The following GSK3B variants were observed in gnomAD, a reference collection of about 807,000 sequenced individuals.
The protein encoded by GSK3B is glycogen synthase kinase 3 beta.
GSK3B carries 15 observed loss-of-function variants against 56.4 expected under a neutral mutation model. The observed-to-expected ratio is 0.27, with a 90% CI of 0.18 to 0.41. The LOEUF is 0.41. GSK3B is among the 10% of genes least tolerant of loss of function. GSK3B has a pLI of 1.00. For missense variants in GSK3B, 300 were observed against 513.4 expected (o/e 0.58, Z 4.02); for synonymous variants, 181 against 188.9 (o/e 0.96, Z 0.34).
At chr3:120,072,976 G>A (rs2058338483) in intron 1 of GSK3B, among the ~76,000 whole-genome samples, 1 of 152,118 alleles carries the variant, frequency 6.6e-6, no homozygotes, top group Non-Finnish European at 1.5e-5. Flanking sequence ...CAGTAAAGTA[G>A]TTAAGAATAA....
rs61662753 is a variant in GSK3B at position 119,855,046 on chromosome 3, T to C, written c.1096+8373A>G. Among the ~76,000 whole-genome samples the C allele has an allele frequency of 7.6e-3, 1,162 of 152,342 alleles. 12 individuals carry two copies. Among genetic ancestry groups the C allele is most frequent in the African/African-American group, 0.026 (1,101 of 41,564 alleles). ...ATTTTAGATCTTTCCTTCTTTCTCT[T>C]GTGGGCATTTAGTGCTATAAATTTT... On this transcript the variant is annotated intron_variant, in intron 9 of 10. Coordinates refer to ENST00000264235, the MANE Select transcript of GSK3B (RefSeq NM_001146156.2).
At position 119,833,944 on chromosome 3, in the gene GSK3B, C is replaced by G. The variant is rs527544351; in HGVS notation, c.1196-7089G>C. 9.6e-4 allele frequency among the ~76,000 whole-genome samples: 146 copies of G among 152,124 alleles called. 2 individuals are homozygous for G. Among genetic ancestry groups the G allele is most frequent in the Non-Finnish European group, 2.2e-4 (15 of 67,978 alleles). On this transcript the variant is annotated intron_variant, in intron 10 of 10. Coordinates refer to ENST00000264235, the MANE Select transcript of GSK3B (RefSeq NM_001146156.2). ...AACTCCTGGCTTCAAGTAATCTGAC[C>G]GCCTCCACCTCCCAAAGTGCTGGGA...
chr3:119,826,617 T>C lies in GSK3B; in HGVS notation c.*171A>G, dbSNP rs748255898. 13 of 686,360 alleles carry C rather than the reference T, an allele frequency of 1.9e-5. 1 individual carries two copies. The highest frequency in any genetic ancestry group is 7.5e-5 in the South Asian group (5 of 66,444). 42.5% of individuals were successfully genotyped at this position (686,360 alleles called of 1,614,324 possible). A position where few individuals can be genotyped will look rare whatever the true frequency, so the allele number is the denominator to read the frequency against. On this transcript the variant is annotated 3_prime_UTR_variant, in exon 11 of 11. Transcript: ENST00000264235. ...ATACAATGAAATTGGTTTGTATTTA[T>C]AGATATTTTACAAGGTTAAATAAGA...
chr3:119,909,519 T>C (rs547067777), intron 6 of GSK3B, among the ~76,000 whole-genome samples: 1 of 152,360 alleles, frequency 6.6e-6, no homozygotes, highest in African/African-American at 2.4e-5. Flanking sequence ...GATCATGCTC[T>C]CTCTGTTCAC....
chr3:120,094,335 T>A lies in GSK3B; in HGVS notation c.-901A>T, dbSNP rs2058545380. ...CCCAGCCCAGAGCCCTGTCAGCGGC[T>A]GCGGGGCCGGCTCCTCCTCGCTTCC... On this transcript the variant is annotated 5_prime_UTR_variant, in exon 1 of 11. Coordinates refer to ENST00000264235, the MANE Select transcript of GSK3B (RefSeq NM_001146156.2). The A allele has an allele frequency of 1.5e-5, 4 of 273,496 alleles. No individual in the cohort carries two copies. The South Asian group carries it at 2.3e-4, about 16-fold the overall frequency. The allele number at this position is 273,496 out of a possible 1,614,324, so 16.9% of individuals were successfully genotyped here.
At position 120,093,218 on chromosome 3, in the gene GSK3B, G is replaced by A. The variant is rs146083939; in HGVS notation, c.88+129C>T. On this transcript the variant is annotated intron_variant, in intron 1 of 10. Coordinates refer to ENST00000264235, the MANE Select transcript of GSK3B (RefSeq NM_001146156.2). ...AAAGGGAGCTGCTTCATCCTTGACTGAAGATAGGTTTTGCCCTTTTCCATT... is the reference window on the plus strand; with the variant it reads ...AAAGGGAGCTGCTTCATCCTTGACTAAAGATAGGTTTTGCCCTTTTCCATT... 552 of 632,064 alleles carry A rather than the reference G, an allele frequency of 8.7e-4. 1 individual carries two copies. The highest frequency in any genetic ancestry group is 3.7e-3 in the African/African-American group (207 of 55,378). 39.2% of individuals were successfully genotyped at this position (632,064 alleles called of 1,614,324 possible). A position where few individuals can be genotyped will look rare whatever the true frequency, so the allele number is the denominator to read the frequency against.
intron 7 of GSK3B, among the ~76,000 whole-genome samples, chr3:119,881,016 C>T (rs867525647): frequency 2.0e-5 from 3 of 152,118 alleles, no homozygotes; most frequent in South Asian, 2.1e-4. Context: ...AATTCTTATA[C>T]CTCTAAAGCA....
chr3:119,965,216 C>A (rs1187843265), intron 2 of GSK3B, among the ~76,000 whole-genome samples: 2 of 149,558 alleles, frequency 1.3e-5, no homozygotes, highest in Non-Finnish European at 3.0e-5. Context: ...CCAAGTCCGA[C>A]TAATTTTTGT....
At chr3:120,023,823 A>T (rs2057900353) in intron 1 of GSK3B, among the ~76,000 whole-genome samples, 1 of 152,200 alleles carries the variant, frequency 6.6e-6, no homozygotes, top group Non-Finnish European at 1.5e-5. Context: ...TTTCATTAAG[A>T]TCTCCATCAA....
intron 1 of GSK3B, among the ~76,000 whole-genome samples, chr3:120,024,522 CAT>C (rs1356952542): frequency 1.3e-5 from 2 of 152,208 alleles, no homozygotes; most frequent in Non-Finnish European, 2.9e-5. Context: ...CATACGTACA[CAT>C]ATCTCTCTTC....
At chr3:120,075,690 T>C (rs2058362058) in intron 1 of GSK3B, among the ~76,000 whole-genome samples, 1 of 152,092 alleles carries the variant, frequency 6.6e-6, no homozygotes, top group African/African-American at 2.4e-5. Flanking sequence ...TTGAAAGACC[T>C]GTACACTGAA....
At chr3:119,894,393 C>T (rs144149739) in intron 7 of GSK3B, among the ~76,000 whole-genome samples, 1 of 152,192 alleles carries the variant, frequency 6.6e-6, no homozygotes, top group African/African-American at 2.4e-5. Context: ...CATGAAGGTT[C>T]CAGTTTCCCC....
chr3:119,963,980 G>A (rs1394495931), intron 2 of GSK3B, among the ~76,000 whole-genome samples: 1 of 152,066 alleles, frequency 6.6e-6, no homozygotes, highest in Non-Finnish European at 1.5e-5. Context: ...TGGATAACAG[G>A]CAACAAAAGC....
intron 1 of GSK3B, among the ~76,000 whole-genome samples, chr3:120,074,021 T>A (rs975000487): frequency 2.6e-5 from 4 of 152,172 alleles, no homozygotes; most frequent in Non-Finnish European, 4.4e-5. Flanking sequence ...ATAAAAACAG[T>A]TGGCCAGGTG....
chr3:119,869,245 A>AAAAAC (rs1455323431), intron 8 of GSK3B, among the ~76,000 whole-genome samples: 63 of 149,548 alleles, frequency 4.2e-4, no homozygotes, highest in African/African-American at 1.5e-3. Context: ...AAAAAAAAAA[A>AAAAAC]ACATATATTC....
At chr3:120,019,706 C>A (rs1424512874) in intron 1 of GSK3B, among the ~76,000 whole-genome samples, 1 of 152,136 alleles carries the variant, frequency 6.6e-6, no homozygotes, top group African/African-American at 2.4e-5. Context: ...CTATAAAGTA[C>A]CTGAAAGGAC....
At chr3:120,003,881 T>A (rs1418808288) in intron 1 of GSK3B, among the ~76,000 whole-genome samples, 1 of 152,218 alleles carries the variant, frequency 6.6e-6, no homozygotes, top group Non-Finnish European at 1.5e-5. Flanking sequence ...CTGGTTCATC[T>A]CACTGGGACT....
chr3:119,967,691 C>G (rs1464935864), intron 2 of GSK3B, among the ~76,000 whole-genome samples: 4 of 152,158 alleles, frequency 2.6e-5, no homozygotes, highest in Admixed American at 1.3e-4. Context: ...GGATATTCAG[C>G]TGTAAAGGAC....
In GSK3B at chr3:119,988,486, G is replaced by T. The variant is rs557191868; in HGVS notation, c.282+13560C>A. Among the ~76,000 whole-genome samples the T allele has an allele frequency of 1.5e-4, 23 of 152,258 alleles. No homozygotes were observed. The East Asian group carries it at 4.4e-3, about 29-fold the overall frequency. On this transcript the variant is annotated intron_variant, in intron 2 of 10. Coordinates refer to ENST00000264235, the MANE Select transcript of GSK3B (RefSeq NM_001146156.2). ...TAACAGGACAGAATTGGAAAAACTGGTTATTTTTACAAAGGCTTTAACTGG... is the reference window on the plus strand; with the variant it reads ...TAACAGGACAGAATTGGAAAAACTGTTTATTTTTACAAAGGCTTTAACTGG...
Sources: allele counts gnomAD v4.1 joint callset (sites outside exome capture counted in the v4.1 genomes callset), GRCh38; gene constraint gnomAD v4.1.1; transcripts MANE v1.5; gene names NCBI Gene and HGNC (gene_info 2026-07-23, HGNC 2026-07-21).